The following LAMB1 variants were observed in gnomAD, a reference collection of about 807,000 sequenced individuals.
LAMB1 encodes the protein laminin subunit beta-1.
In LAMB1, 121 loss-of-function variants were observed where a neutral mutation model predicts 222.3. The observed-to-expected ratio is 0.54, with a 90% CI of 0.47 to 0.63. The LOEUF (loss-of-function observed/expected upper bound fraction) is 0.63, where lower values mean the gene tolerates loss of function less well. Among genes scored for constraint, LAMB1 ranks in the 30% least tolerant of loss-of-function variants. LAMB1 has a pLI of 0.00. For missense variants in LAMB1, 2,172 were observed against 2,240.8 expected (o/e 0.97, Z 0.62); for synonymous variants, 794 against 807.2 (o/e 0.98, Z 0.28).
In LAMB1 at chr7:107,955,582, G is replaced by A; in HGVS notation, c.2739C>T (p.His913=). The A allele has an allele frequency of 6.2e-7, 1 of 1,614,096 alleles. No homozygotes were observed. Among genetic ancestry groups the A allele is most frequent in the Non-Finnish European group, 8.5e-7 (1 of 1,180,022 alleles). ...YGDPIIGSGD[H]CRPCPCPDGP... ...CATCTGGGCAAGGGCAAGGGCGGCA[G>A]TGATCTCCTGACCCAATGATGGGGT... Residue 913 remains histidine (H), a synonymous_variant, in exon 21 of 34, where the codon CAC becomes CAT. Coordinates refer to ENST00000222399, the MANE Select transcript of LAMB1 (RefSeq NM_002291.3).
At chr7:107,981,648 C>G (rs990685155) in intron 7 of LAMB1, among the ~76,000 whole-genome samples, 2 of 152,154 alleles carry the variant, frequency 1.3e-5, no homozygotes, top group Non-Finnish European at 2.9e-5. Context: ...CTGCTGGAAC[C>G]TGCGGGCAGA....
chr7:107,997,206 G>A (rs777509031), intron 4 of LAMB1, among the ~76,000 whole-genome samples: 5 of 152,046 alleles, frequency 3.3e-5, no homozygotes, highest in African/African-American at 7.2e-5. Context: ...GGTGGATCAC[G>A]AGGTCAGGAG....
chr7:107,930,786 G>C (rs1167246577), intron 29 of LAMB1, among the ~76,000 whole-genome samples: 1 of 152,204 alleles, frequency 6.6e-6, no homozygotes, highest in Non-Finnish European at 1.5e-5. Context: ...TAAGATGGTA[G>C]AGTAGAAAGA....
Position 107,935,343 on chromosome 7 carries a change from C to CTTTTTTT in LAMB1, c.4188+71_4188+72insAAAAAAA, listed in dbSNP as rs2032816386. The CTTTTTTT allele has an allele frequency of 4.4e-6, 6 of 1,371,966 alleles. No individual in the cohort carries two copies. In the African/African-American group the frequency reaches 1.2e-4, roughly 27 times the overall value. The allele number at this position is 1,371,966 out of a possible 1,614,324, so 85.0% of individuals were successfully genotyped here. Reference sequence around the variant, plus strand: ...TAATGACAAAAGATGGTTTGTTTTTCTTTGTTTTTTTTTTTTTTTTTTTTT... The same window carrying CTTTTTTT: ...TAATGACAAAAGATGGTTTGTTTTTCTTTTTTTTTTGTTTTTTTTTTTTTTTTTTTTT... On this transcript the variant is annotated intron_variant, in intron 27 of 33. Coordinates refer to ENST00000222399, the MANE Select transcript of LAMB1 (RefSeq NM_002291.3).
intron 22 of LAMB1, 75 bp from the exon 23 acceptor site, chr7:107,952,298 A>C (rs2033275259): frequency 9.3e-7 from 1 of 1,071,002 alleles, no homozygotes; most frequent in South Asian, 1.5e-5. Flanking sequence ...CCACATCTAA[A>C]TGCTAAGATG....
At chr7:107,938,289 A>T (rs2032898015) in intron 25 of LAMB1, among the ~76,000 whole-genome samples, 1 of 152,208 alleles carries the variant, frequency 6.6e-6, no homozygotes, top group Admixed American at 6.5e-5. Flanking sequence ...GGTAGATTAA[A>T]TTACATTTCA....
Position 107,962,216 on chromosome 7 carries a change from C to T in LAMB1, c.1858-540G>A, listed in dbSNP as rs560112944. Among the ~76,000 whole-genome samples the T allele has an allele frequency of 1.6e-3, 240 of 152,310 alleles. 1 individual carries two copies. The highest frequency in any genetic ancestry group is 5.3e-3 in the African/African-American group (220 of 41,574). On this transcript the variant is annotated intron_variant, in intron 15 of 33. Coordinates refer to ENST00000222399, the MANE Select transcript of LAMB1 (RefSeq NM_002291.3). ...CCTGGCTCGGGCTGGCTGGTGCATG[C>T]CCATCTTCTAGGATCATGCATCTCT... is the stretch of plus-strand genomic sequence containing the variant.
At chr7:107,983,135 G>A (rs1030922831) in intron 7 of LAMB1, among the ~76,000 whole-genome samples, 1 of 152,338 alleles carries the variant, frequency 6.6e-6, no homozygotes, top group East Asian at 1.9e-4. Context: ...TGTTTTACAA[G>A]AGAATGAATG....
chr7:107,978,253 C>T (rs192358205), intron 8 of LAMB1, 86 bp from the exon 9 acceptor site: 4 of 1,445,064 alleles, frequency 2.8e-6, no homozygotes, highest in Middle Eastern at 1.8e-4. Context: ...AGTTTAAAAC[C>T]CTTTTTCATA....
chr7:107,930,925 A>G (rs2032693676), intron 29 of LAMB1, among the ~76,000 whole-genome samples: 1 of 152,170 alleles, frequency 6.6e-6, no homozygotes, highest in African/African-American at 2.4e-5. Context: ...TTTGCAGCCA[A>G]AACCATCTTT....
chr7:107,984,490 C>T (rs1297597031), intron 7 of LAMB1, among the ~76,000 whole-genome samples: 1 of 152,202 alleles, frequency 6.6e-6, no homozygotes, highest in African/African-American at 2.4e-5. Context: ...TCAAGTGATC[C>T]GCCTGCCTTG....
intron 25 of LAMB1, among the ~76,000 whole-genome samples, chr7:107,937,779 A>G (rs2032882188): frequency 6.6e-6 from 1 of 152,226 alleles, no homozygotes; most frequent in South Asian, 2.1e-4. Context: ...AGCCACCAGT[A>G]TCAGCTTTCA....
intron 5 of LAMB1, among the ~76,000 whole-genome samples, chr7:107,986,653 C>T (rs924528947): frequency 1.3e-5 from 2 of 152,180 alleles, no homozygotes; most frequent in Non-Finnish European, 2.9e-5. Context: ...AACACACTTT[C>T]GTATATTTAG....
intron 32 of LAMB1, 45 bp from the exon 33 acceptor site, chr7:107,924,434 C>A: frequency 6.8e-7 from 1 of 1,463,258 alleles, no homozygotes; most frequent in South Asian, 1.3e-5. Context: ...ATGTTAGTGT[C>A]AGTAATTACA....
rs1398231756 is a variant in LAMB1, at chr7:108,002,974, G to A, written c.-86-3C>T. 1 of 1,599,532 alleles carries A rather than the reference G, an allele frequency of 6.3e-7. No homozygotes were observed. The highest frequency in any genetic ancestry group is 8.5e-7 in the Non-Finnish European group (1 of 1,175,764). On this transcript the variant is annotated splice_region_variant and splice_polypyrimidine_tract_variant and intron_variant, in intron 1 of 33. Transcript: ENST00000222399. The stretch of plus-strand genomic sequence containing the variant: ...GCCCTTTCTTCCCGTCTTCCTTTCT[G>A]GAGAGGTGGAAAGGAGGGGAAAAAA...
Position 107,971,797 on chromosome 7 carries a change from A to G in LAMB1, c.1562+1195T>C, listed in dbSNP as rs546026545. ...CAGGAAGTGTGTATGGAATAGAGAA[A>G]AAGAGGAAGGGAGTGTAGGAACAAA... On this transcript the variant is annotated intron_variant, in intron 13 of 33. Transcript: ENST00000222399. Among the ~76,000 whole-genome samples the G allele has an allele frequency of 2.0e-5, 3 of 152,338 alleles. No individual in the cohort carries two copies. The East Asian group carries it at 5.8e-4, about 29-fold the overall frequency.
chr7:107,963,114 A>C lies in LAMB1; in HGVS notation c.1699-51T>G, dbSNP rs974167924. ...TTCTGTATTTGAAATGGAATTCAAT[A>C]ATTTTCAATAGTCAAAGTAATCCGA... On this transcript the variant is annotated intron_variant, in intron 14 of 33. Transcript: ENST00000222399. 9.5e-6 allele frequency: 14 copies of C among 1,474,356 alleles called. No homozygotes were observed. In the African/African-American group the frequency reaches 2.0e-4, roughly 21 times the overall value. The allele number at this position is 1,474,356 out of a possible 1,614,324, so 91.3% of individuals were successfully genotyped here.
intron 26 of LAMB1, 57 bp from the exon 27 acceptor site, chr7:107,935,713 C>T: frequency 6.3e-7 from 1 of 1,576,350 alleles, no homozygotes; most frequent in South Asian, 1.2e-5. Flanking sequence ...GCTTCCTCCC[C>T]AAGCAGTGTC....
chr7:107,963,003 C>T lies in LAMB1; in HGVS notation c.1759G>A (p.Gly587Ser), dbSNP rs138070494. 143 of 1,614,062 alleles carry T rather than the reference C, an allele frequency of 8.9e-5. 1 individual carries two copies. The highest frequency in any genetic ancestry group is 1.1e-4 in the Non-Finnish European group (131 of 1,179,958). ...QDRIPSWTGAGFVRVPEGAYL... is the reference protein window; with the variant it reads ...QDRIPSWTGASFVRVPEGAYL... The stretch of plus-strand genomic sequence containing the variant: ...GCCCCTTCAGGCACTCGGACGAAGC[C>T]GGCTCCAGTCCAGGAGGGAATCCGG... Residue 587 changes from glycine (G) to serine (S), a missense_variant, in exon 15 of 34, where the codon GGC becomes AGC. Transcript: ENST00000222399.
Sources: gnomAD v4.1 joint callset for allele counts (sites outside exome capture counted in the v4.1 genomes callset) on GRCh38, gnomAD v4.1.1 for gene constraint, MANE v1.5 for transcripts, NCBI Gene and HGNC (gene_info 2026-07-23, HGNC 2026-07-21) for gene names.